ADARB2: variants seen among roughly 807,000 people sequenced by gnomAD.
ADARB2 encodes inactive double-stranded RNA-specific editase B2.
A neutral mutation model predicts 62.2 loss-of-function variants in ADARB2; 25 were observed. That is an observed-to-expected ratio of 0.40 (90% CI 0.29 to 0.56). The LOEUF is 0.56. Ranked by LOEUF, ADARB2 falls within the 20% of genes least tolerant of loss-of-function variation. The probability of loss-of-function intolerance (pLI) is 0.43; values close to 1 mark genes in which losing one functional copy is unlikely to be tolerated. For synonymous variants in ADARB2, 572 were observed against 500.8 expected (o/e 1.14, Z -1.90); for missense variants, 1,071 against 1,077.4 (o/e 0.99, Z 0.08).
At position 1,206,229 on chromosome 10, in the gene ADARB2, A is replaced by G. The variant is rs75453319; in HGVS notation, c.1683-6082T>C. Among the ~76,000 whole-genome samples the G allele has an allele frequency of 1.3e-3, 198 of 152,348 alleles. 2 individuals are homozygous for G. The highest frequency in any genetic ancestry group is 4.4e-3 in the African/African-American group (184 of 41,588). On this transcript the variant is annotated intron_variant, in intron 7 of 9. Coordinates refer to ENST00000381312, the MANE Select transcript of ADARB2 (RefSeq NM_018702.4). ...CACGAGAGTGAAGAGGATGATCCCC[A>G]GGTGCGTCTCTCCATTCCCGGGTCC...
At chr10:1,584,719 C>T (rs1833152229) in intron 1 of ADARB2, among the ~76,000 whole-genome samples, 1 of 152,196 alleles carries the variant, frequency 6.6e-6, no homozygotes, top group South Asian at 2.1e-4. Flanking sequence ...ATGGATACAT[C>T]GTCTGTGGTT....
chr10:1,226,860 G>GGACCCAC (rs376448359), intron 6 of ADARB2, among the ~76,000 whole-genome samples: 97,435 of 151,868 alleles, frequency 0.64, 31,727 homozygotes, highest in African/African-American at 0.74. Flanking sequence ...CGGGGGTCAG[G>GGACCCAC]TGGAGGCAGT....
intron 3 of ADARB2, among the ~76,000 whole-genome samples, chr10:1,329,245 T>C (rs1288571591): frequency 2.0e-5 from 3 of 152,212 alleles, no homozygotes; most frequent in Non-Finnish European, 2.9e-5. Flanking sequence ...GTGAAAATTG[T>C]CAGACTATTT....
intron 1 of ADARB2, among the ~76,000 whole-genome samples, chr10:1,547,702 G>A (rs1363604594): frequency 4.8e-5 from 5 of 103,738 alleles, no homozygotes; most frequent in African/African-American, 6.9e-5. Context: ...CTGCACTGGC[G>A]TATGCACTGT....
In ADARB2 at chr10:1,396,393, G is replaced by A. The variant is rs1406476198; in HGVS notation, c.101-17233C>T. Among the ~76,000 whole-genome samples the A allele has an allele frequency of 2.6e-5, 4 of 152,230 alleles. No homozygotes were observed. The South Asian group carries it at 6.2e-4, about 24-fold the overall frequency. On this transcript the variant is annotated intron_variant, in intron 1 of 9. Transcript: ENST00000381312. Reference sequence around the variant, plus strand: ...CGTCTCTGGTGAGTTTGGGCTATTTGAACAAAGGATAGAAAAGCCTGTCAT... The same window carrying A: ...CGTCTCTGGTGAGTTTGGGCTATTTAAACAAAGGATAGAAAAGCCTGTCAT...
intron 1 of ADARB2, among the ~76,000 whole-genome samples, chr10:1,730,323 C>T (rs532772229): frequency 6.8e-4 from 104 of 152,316 alleles, no homozygotes; most frequent in Admixed American, 2.3e-3. Context: ...TAACTGCCCC[C>T]TTTCACCTTT....
intron 4 of ADARB2, among the ~76,000 whole-genome samples, chr10:1,266,037 C>T (rs1192578523): frequency 2.3e-4 from 30 of 129,144 alleles, no homozygotes; most frequent in African/African-American, 6.7e-4. Flanking sequence ...CAGGGTCCCC[C>T]GGAAGACGGC....
chr10:1,302,814 G>A (rs1831587542), intron 3 of ADARB2, among the ~76,000 whole-genome samples: 2 of 152,084 alleles, frequency 1.3e-5, no homozygotes, highest in Non-Finnish European at 2.9e-5. Flanking sequence ...TGCAGCTGAG[G>A]GTCCTGTCTG....
chr10:1,228,706 C>T (rs550969181), intron 6 of ADARB2, among the ~76,000 whole-genome samples: 3 of 152,324 alleles, frequency 2.0e-5, no homozygotes, highest in East Asian at 3.9e-4. Flanking sequence ...CGGTCTCTGT[C>T]GCGAAAGCAG....
chr10:1,621,857 G>A (rs6560745), intron 1 of ADARB2, among the ~76,000 whole-genome samples: 152,312 of 152,312 alleles, frequency 1, 76,156 homozygotes, highest in Non-Finnish European at 1. Flanking sequence ...TTTTTGTAGA[G>A]AATGTCAAGC....
At chr10:1,276,807 T>C (rs1348955487) in intron 3 of ADARB2, among the ~76,000 whole-genome samples, 1 of 152,206 alleles carries the variant, frequency 6.6e-6, no homozygotes, top group East Asian at 1.9e-4. Flanking sequence ...ATATACATTC[T>C]TCTCAGCACC....
chr10:1,219,834 GTGA>G (rs1205801317), intron 6 of ADARB2, among the ~76,000 whole-genome samples: 25 of 132,030 alleles, frequency 1.9e-4, no homozygotes, highest in South Asian at 1.2e-3. Flanking sequence ...AATGATGGTG[GTGA>G]TGATGATGGT....
chr10:1,410,929 G>A (rs979169952), intron 1 of ADARB2, among the ~76,000 whole-genome samples: 8 of 152,144 alleles, frequency 5.3e-5, no homozygotes, highest in African/African-American at 1.4e-4. Flanking sequence ...CCTCTCCCGA[G>A]CTGCGCCCTG....
At chr10:1,493,729 C>CTTTTTTTTTTTTTTTTTTTTTTTT (rs555812632) in intron 1 of ADARB2, among the ~76,000 whole-genome samples, 1 of 56,812 alleles carries the variant, frequency 1.8e-5, no homozygotes, top group Non-Finnish European at 3.1e-5. Flanking sequence ...ATATGGCATT[C>CTTTTTTTTTTTTTTTTTTTTTTTT]TTTTTTTTTT....
intron 2 of ADARB2, among the ~76,000 whole-genome samples, chr10:1,373,330 A>C (rs914869579): frequency 1.3e-5 from 2 of 150,438 alleles, no homozygotes; most frequent in East Asian, 2.0e-4. Flanking sequence ...ACACACACCC[A>C]CCCACACACA....
At chr10:1,215,843 A>T (rs1313510411) in intron 7 of ADARB2, 1 of 152,242 alleles carries the variant, frequency 6.6e-6, no homozygotes, top group Non-Finnish European at 1.5e-5. Context: ...TGCATTGGGG[A>T]TGGCGCTTTC....
At chr10:1,531,166 A>ACTAT (rs1233319172) in intron 1 of ADARB2, among the ~76,000 whole-genome samples, 1 of 152,058 alleles carries the variant, frequency 6.6e-6, no homozygotes, top group African/African-American at 2.4e-5. Context: ...CTCCCCCTCT[A>ACTAT]CTATGTCCCA....
At chr10:1,289,743 A>G (rs1831447346) in intron 3 of ADARB2, among the ~76,000 whole-genome samples, 1 of 152,100 alleles carries the variant, frequency 6.6e-6, no homozygotes, top group East Asian at 2.0e-4. Flanking sequence ...GACAGCCCAC[A>G]GGATCCAGCC....
chr10:1,679,925 A>G (rs1376767478), intron 1 of ADARB2, among the ~76,000 whole-genome samples: 1 of 152,102 alleles, frequency 6.6e-6, no homozygotes, highest in Admixed American at 6.5e-5. Flanking sequence ...CCCCCTTAGA[A>G]ATGTTCAAAG....
Sources: allele counts gnomAD v4.1 joint callset (sites outside exome capture counted in the v4.1 genomes callset), GRCh38; gene constraint gnomAD v4.1.1; transcripts MANE v1.5; gene names NCBI Gene and HGNC (gene_info 2026-07-23, HGNC 2026-07-21).